Variants in CRMP1 observed in about 807,000 individuals in gnomAD.
The protein encoded by CRMP1 is collapsin response mediator protein 1.
Under a neutral mutation model 68.3 loss-of-function variants are expected in CRMP1, and 19 were observed. That is an observed-to-expected ratio of 0.28 (90% confidence interval 0.19 to 0.41). The LOEUF is 0.41. Ranked by LOEUF, CRMP1 falls within the 10% of genes least tolerant of loss-of-function variation. The probability of loss-of-function intolerance (pLI) is 1.00; values close to 1 mark genes in which losing one functional copy is unlikely to be tolerated. For missense variants in CRMP1, 791 were observed against 967.4 expected (o/e 0.82, Z 2.42); for synonymous variants, 439 against 399.6 (o/e 1.10, Z -1.18).
rs1713336780 is a variant in CRMP1 at position 5,858,910 on chromosome 4, C to A, written c.655+2116G>T. Among the ~76,000 whole-genome samples the A allele has an allele frequency of 6.6e-6, 1 of 152,156 alleles. No homozygotes were observed. The highest frequency in any genetic ancestry group is 1.5e-5 in the Non-Finnish European group (1 of 68,030). ...CCTCAGGGCCTTTGCACATGCTATTCCCTCCTCCTGGGGCTCTGCTTTTCT... is the reference window on the plus strand; with the variant it reads ...CCTCAGGGCCTTTGCACATGCTATTACCTCCTCCTGGGGCTCTGCTTTTCT... On this transcript the variant is annotated intron_variant, in intron 3 of 13. Transcript: ENST00000324989. The surrounding 1 kb of genome is among the most constrained non-coding windows in gnomAD (Gnocchi z 5.5).
intron 12 of CRMP1, 180 bp downstream of exon 12, chr4:5,828,309 C>T (rs1312453944): frequency 2.0e-6 from 2 of 984,480 alleles, no homozygotes; most frequent in African/African-American, 1.7e-5. Context: ...TCATTTGATG[C>T]TCACTCCTGT....
intron 1 of CRMP1, among the ~76,000 whole-genome samples, chr4:5,871,181 C>A (rs917093747): frequency 3.3e-5 from 5 of 152,166 alleles, no homozygotes; most frequent in Admixed American, 2.6e-4. Flanking sequence ...TGGTCTACTT[C>A]TGAAAAAATA....
chr4:5,824,463 A>G, intron 13 of CRMP1: 2 of 985,184 alleles, frequency 2.0e-6, no homozygotes, highest in Non-Finnish European at 2.4e-6. Context: ...GCCACCACAC[A>G]ATCTGAATTC....
chr4:5,890,557 TCGCGAG>T lies in CRMP1; in HGVS notation c.381+2026_381+2031del, dbSNP rs1715896855. Reference sequence around the variant, plus strand: ...AAGTAAAACCCTCCCTCCGTGGAGATCGCGAGCCCCTGAGTTCCACAGTCGCGAAGC... The same window carrying T: ...AAGTAAAACCCTCCCTCCGTGGAGATCCCCTGAGTTCCACAGTCGCGAAGC... On this transcript the variant is annotated intron_variant, in intron 1 of 13. Coordinates refer to ENST00000324989, the MANE Select transcript of CRMP1 (RefSeq NM_001014809.3). The surrounding 1 kb of genome is among the most constrained non-coding windows in gnomAD (Gnocchi z 5.5). Among the ~76,000 whole-genome samples, 1 of 152,168 alleles carries T rather than the reference TCGCGAG, an allele frequency of 6.6e-6. No individual in the cohort carries two copies. The highest frequency in any genetic ancestry group is 1.5e-5 in the Non-Finnish European group (1 of 68,022).
rs1349413911 is a variant in CRMP1, at chr4:5,861,693, G to A, written c.471-483C>T. ...TCTCCATGGGTGACTTATTGATGACGGTGGCTTCTGGTTTTTATTTGCTGG... is the reference window on the plus strand; with the variant it reads ...TCTCCATGGGTGACTTATTGATGACAGTGGCTTCTGGTTTTTATTTGCTGG... On this transcript the variant is annotated intron_variant, in intron 2 of 13. Transcript: ENST00000324989. This position sits in a 1 kb window ranked among gnomAD's most constrained non-coding sequence, Gnocchi z 6.0. Among the ~76,000 whole-genome samples, 2 of 152,106 alleles carry A rather than the reference G, an allele frequency of 1.3e-5. No homozygotes were observed. The highest frequency in any genetic ancestry group is 2.4e-5 in the African/African-American group (1 of 41,406).
chr4:5,828,169 T>G, intron 12 of CRMP1: 3 of 985,306 alleles, frequency 3.0e-6, no homozygotes, highest in Non-Finnish European at 3.6e-6. Context: ...CTCCCGTGGG[T>G]GGGCAGGATT....
At chr4:5,874,736 G>T (rs2152472153) in intron 1 of CRMP1, among the ~76,000 whole-genome samples, 1 of 152,176 alleles carries the variant, frequency 6.6e-6, no homozygotes, top group East Asian at 1.9e-4. Flanking sequence ...GGATAAAGAG[G>T]AAAGGAAAGA....
intron 8 of CRMP1, among the ~76,000 whole-genome samples, chr4:5,840,457 T>C (rs1711635469): frequency 6.6e-6 from 1 of 152,172 alleles, no homozygotes; most frequent in Non-Finnish European, 1.5e-5. Flanking sequence ...GGCCACCTGC[T>C]GCCCAGTAGG....
intron 3 of CRMP1, among the ~76,000 whole-genome samples, chr4:5,857,259 C>T (rs201282555): frequency 6.6e-6 from 1 of 151,618 alleles, no homozygotes; most frequent in Non-Finnish European, 1.5e-5. Context: ...TCATCACTAT[C>T]ATTATCACCC....
Position 5,841,871 on chromosome 4 carries a change from T to C in CRMP1, c.1033-443A>G, listed in dbSNP as rs1711757759. Among the ~76,000 whole-genome samples, 1 of 152,168 alleles carries C rather than the reference T, an allele frequency of 6.6e-6. No individual in the cohort carries two copies. The highest frequency in any genetic ancestry group is 2.4e-5 in the African/African-American group (1 of 41,454). On this transcript the variant is annotated intron_variant, in intron 7 of 13. Coordinates refer to ENST00000324989, the MANE Select transcript of CRMP1 (RefSeq NM_001014809.3). This position sits in a 1 kb window ranked among gnomAD's most constrained non-coding sequence, Gnocchi z 6.9. ...CCCAGAAGACTCGGTAATGACCTGA[T>C]GAGGACATCAGAAAATGTCCTCAAC...
intron 1 of CRMP1, among the ~76,000 whole-genome samples, chr4:5,871,327 A>C (rs571925147): frequency 6.6e-6 from 1 of 152,338 alleles, no homozygotes; most frequent in African/African-American, 2.4e-5. Flanking sequence ...TAGTAGGTAC[A>C]GGCCCAGACA....
chr4:5,890,814 T>C lies in CRMP1; in HGVS notation c.381+1775A>G, dbSNP rs1715908355. Among the ~76,000 whole-genome samples, 1 of 152,012 alleles carries C rather than the reference T, an allele frequency of 6.6e-6. No individual in the cohort carries two copies. The highest frequency in any genetic ancestry group is 2.4e-5 in the African/African-American group (1 of 41,402). ...CTGGCGTTGGTGACATTGACCGCAG[T>C]TCCAGAGGAACTCTCCTTGGGACAG... On this transcript the variant is annotated intron_variant, in intron 1 of 13. Transcript: ENST00000324989. The surrounding 1 kb of genome is among the most constrained non-coding windows in gnomAD (Gnocchi z 5.5).
In CRMP1 at chr4:5,825,141, T is replaced by C; in HGVS notation, c.1969+353A>G. Reference sequence around the variant, plus strand: ...GAGCACATGCCCTGCAAATGGCAGCTACTCCCATCTCTTGTTCATCCCCAC... The same window carrying C: ...GAGCACATGCCCTGCAAATGGCAGCCACTCCCATCTCTTGTTCATCCCCAC... On this transcript the variant is annotated intron_variant, in intron 13 of 13. Coordinates refer to ENST00000324989, the MANE Select transcript of CRMP1 (RefSeq NM_001014809.3). This position sits in a 1 kb window ranked among gnomAD's most constrained non-coding sequence, Gnocchi z 4.4. The C allele has an allele frequency of 1.0e-6, 1 of 985,418 alleles. No individual in the cohort carries two copies. The highest frequency in any genetic ancestry group is 1.2e-6 in the Non-Finnish European group (1 of 829,930). The allele number at this position is 985,418 out of a possible 1,614,324, so 61.0% of individuals were successfully genotyped here.
In CRMP1 at chr4:5,858,624, C is replaced by T. The variant is rs1314021444; in HGVS notation, c.656-2317G>A. Among the ~76,000 whole-genome samples, 1 of 152,202 alleles carries T rather than the reference C, an allele frequency of 6.6e-6. No homozygotes were observed. Among genetic ancestry groups the T allele is most frequent in the East Asian group, 1.9e-4 (1 of 5,202 alleles). On this transcript the variant is annotated intron_variant, in intron 3 of 13. Coordinates refer to ENST00000324989, the MANE Select transcript of CRMP1 (RefSeq NM_001014809.3). This position sits in a 1 kb window ranked among gnomAD's most constrained non-coding sequence, Gnocchi z 5.5. ...CTCAGCTGAATTACGCAATCGCCTC[C>T]CAACTGGTCCAGACACATCCCATCC...
At chr4:5,823,686 C>T (rs902830019) in intron 13 of CRMP1, among the ~76,000 whole-genome samples, 4 of 152,220 alleles carry the variant, frequency 2.6e-5, no homozygotes, top group African/African-American at 4.8e-5. Context: ...TCTCTGCACA[C>T]GCTAGCTCTC....
chr4:5,822,457 G>A (rs760556329), intron 13 of CRMP1, among the ~76,000 whole-genome samples: 6 of 151,430 alleles, frequency 4.0e-5, no homozygotes, highest in Non-Finnish European at 8.8e-5. Flanking sequence ...TCCGCAAGCT[G>A]GATTTACTTC....
chr4:5,858,984 C>T lies in CRMP1; in HGVS notation c.655+2042G>A, dbSNP rs754971017. 1.1e-3 allele frequency among the ~76,000 whole-genome samples: 161 copies of T among 152,322 alleles called. No homozygotes were observed. Among genetic ancestry groups the T allele is most frequent in the Non-Finnish European group, 3.2e-4 (22 of 68,024 alleles). On this transcript the variant is annotated intron_variant, in intron 3 of 13. Transcript: ENST00000324989. The surrounding 1 kb of genome is among the most constrained non-coding windows in gnomAD (Gnocchi z 5.5). ...CCAACTCATCCTTCAGATCCCTGTA[C>T]GAATGTCACTTCTTCAGAGAACACT...
rs780243251 is a variant in CRMP1, at chr4:5,856,237, G to A, written c.726C>T (p.Asp242=). ...TSFEKWHEAA[D]TKSCCDYSLH... ...GGGAGTAATCACAGCAGGATTTGGT[G>A]TCAGCTGCTTCGTGCCACTTCTCGA... Residue 242 remains aspartate (D), a synonymous_variant, in exon 4 of 14, where the codon GAC becomes GAT. Coordinates refer to ENST00000324989, the MANE Select transcript of CRMP1 (RefSeq NM_001014809.3). The A allele has an allele frequency of 3.7e-6, 6 of 1,613,908 alleles. No individual in the cohort carries two copies. In the South Asian group the frequency reaches 6.6e-5, roughly 18 times the overall value.
chr4:5,887,389 A>G lies in CRMP1; in HGVS notation c.381+5200T>C, dbSNP rs115340634. 1,039 of 985,544 alleles carry G rather than the reference A, an allele frequency of 1.1e-3. 5 individuals carry two copies. The African/African-American group carries it at 0.017, about 17-fold the overall frequency. The allele number at this position is 985,544 out of a possible 1,614,324, so 61.0% of individuals were successfully genotyped here. ...CCGGCCCCGGGCTGCTCCTGCATAC[A>G]TGGGCTCCAGTGGTCCGCATCCCTC... On this transcript the variant is annotated intron_variant, in intron 1 of 13. Coordinates refer to ENST00000324989, the MANE Select transcript of CRMP1 (RefSeq NM_001014809.3).
Sources: gnomAD v4.1 joint callset for allele counts (sites outside exome capture counted in the v4.1 genomes callset) on GRCh38, gnomAD v4.1.1 for gene constraint, Gnocchi (gnomAD v3.1) non-coding constraint, MANE v1.5 for transcripts, NCBI Gene and HGNC (gene_info 2026-07-23, HGNC 2026-07-21) for gene names.